ABCG2: variants seen among roughly 807,000 people sequenced by gnomAD.
ABCG2 encodes broad substrate specificity ATP-binding cassette transporter ABCG2.
ABCG2 carries 80 observed loss-of-function variants against 73.5 expected under a neutral mutation model. That is an observed-to-expected ratio of 1.09 (90% confidence interval 0.91 to 1.31). ABCG2 has a LOEUF of 1.31. ABCG2 is among the 50% of genes most tolerant of loss of function. ABCG2 has a pLI of 0.00. For synonymous variants in ABCG2, 269 were observed against 282.4 expected (o/e 0.95, Z 0.48); for missense variants, 796 against 786.2 (o/e 1.01, Z -0.15).
At chr4:88,156,111 A>G (rs1726919079) in intron 1 of ABCG2, among the ~76,000 whole-genome samples, 1 of 151,960 alleles carries the variant, frequency 6.6e-6, no homozygotes, top group Non-Finnish European at 1.5e-5. Context: ...ATGATAGCTC[A>G]CACCTGTAAT....
chr4:88,151,249 G>A (rs905470762), intron 1 of ABCG2, among the ~76,000 whole-genome samples: 2 of 152,260 alleles, frequency 1.3e-5, no homozygotes, highest in Admixed American at 1.3e-4. Context: ...TGGGTCATTA[G>A]AACATTTTGG....
At chr4:88,208,970 C>A (rs1345103924) in intron 1 of ABCG2, among the ~76,000 whole-genome samples, 1 of 152,106 alleles carries the variant, frequency 6.6e-6, no homozygotes, top group Non-Finnish European at 1.5e-5. Context: ...CCACTGCACT[C>A]CAGCCTGGGT....
rs191692095 is a variant in ABCG2 at position 88,138,043 on chromosome 4, G to T, written c.203+1750C>A. ...CATTGTGGCATCTAGCTACTCCAGAGGCTGAGGCGGGAGAATCACTTGAGC... is the reference window on the plus strand; with the variant it reads ...CATTGTGGCATCTAGCTACTCCAGATGCTGAGGCGGGAGAATCACTTGAGC... On this transcript the variant is annotated intron_variant, in intron 2 of 15. Transcript: ENST00000237612. 2.1e-3 allele frequency among the ~76,000 whole-genome samples: 315 copies of T among 152,244 alleles called. 2 individuals are homozygous for T. Among genetic ancestry groups the T allele is most frequent in the African/African-American group, 7.2e-3 (300 of 41,524 alleles).
In ABCG2 at chr4:88,158,420, C is replaced by T. The variant is rs932884593; in HGVS notation, c.-54G>A. 2 of 439,690 alleles carry T rather than the reference C, an allele frequency of 4.5e-6. No individual in the cohort carries two copies. Among genetic ancestry groups the T allele is most frequent in the Non-Finnish European group, 4.6e-6 (1 of 218,794 alleles). The allele number at this position is 439,690 out of a possible 1,614,324, so 27.2% of individuals were successfully genotyped here. A position where few individuals can be genotyped will look rare whatever the true frequency, so the allele number is the denominator to read the frequency against. On this transcript the variant is annotated 5_prime_UTR_variant, in exon 1 of 16. Coordinates refer to ENST00000237612, the MANE Select transcript of ABCG2 (RefSeq NM_004827.3). ...TAGAGCTCGGTCTTAACCAAAGGCT[C>T]AGGATCTCAGGATGCGTGCGCTCGG...
intron 5 of ABCG2, among the ~76,000 whole-genome samples, chr4:88,129,393 G>A (rs1307939903): frequency 6.6e-6 from 1 of 151,996 alleles, no homozygotes; most frequent in Admixed American, 6.6e-5. Flanking sequence ...TAAATGTATT[G>A]CTTCAATTAT....
intron 1 of ABCG2, among the ~76,000 whole-genome samples, chr4:88,176,045 T>C (rs1464095346): frequency 6.6e-6 from 1 of 152,230 alleles, no homozygotes; most frequent in Non-Finnish European, 1.5e-5. Flanking sequence ...CAGAGTTCTC[T>C]ACAGAAAAAT....
At chr4:88,117,509 C>T (rs558121255) in intron 7 of ABCG2, among the ~76,000 whole-genome samples, 3 of 151,900 alleles carry the variant, frequency 2.0e-5, no homozygotes, top group South Asian at 2.1e-4. Flanking sequence ...TGGTTGTGGG[C>T]GCCTGCAGTC....
chr4:88,099,174 G>A lies in ABCG2; in HGVS notation c.1492+150C>T, dbSNP rs912982853. On this transcript the variant is annotated intron_variant, in intron 12 of 15. Coordinates refer to ENST00000237612, the MANE Select transcript of ABCG2 (RefSeq NM_004827.3). ...CAAAAATAGCTGACAGTGAACAACT[G>A]TTTCAGAGAGTGCAAAATGGACAGG... is the stretch of plus-strand genomic sequence containing the variant. 6 of 697,880 alleles carry A rather than the reference G, an allele frequency of 8.6e-6. No individual in the cohort carries two copies. In the African/African-American group the frequency reaches 1.1e-4, roughly 13 times the overall value. The allele number at this position is 697,880 out of a possible 1,614,324, so 43.2% of individuals were successfully genotyped here.
At chr4:88,229,981 T>TATTATC (rs1730388564) in intron 1 of ABCG2, among the ~76,000 whole-genome samples, 2 of 146,242 alleles carry the variant, frequency 1.4e-5, no homozygotes, top group Non-Finnish European at 3.0e-5. Flanking sequence ...TGGCATGCAT[T>TATTATC]ATTATTATTA....
chr4:88,216,851 G>A (rs953833660), intron 1 of ABCG2, among the ~76,000 whole-genome samples: 5 of 151,914 alleles, frequency 3.3e-5, no homozygotes, highest in African/African-American at 9.7e-5. Context: ...CCAAAATGGC[G>A]AAACCCCCCT....
intron 1 of ABCG2, among the ~76,000 whole-genome samples, chr4:88,165,170 G>T (rs1727466700): frequency 6.6e-6 from 1 of 152,180 alleles, no homozygotes. Flanking sequence ...CTGAGGGTAT[G>T]GGTGTGAATG....
Position 88,167,224 on chromosome 4 carries a change from A to G in ABCG2, c.-19-27210T>C, listed in dbSNP as rs369999575. ...CAGAATCCATTTCTTTTTGGTTCCAAGACTGAGTTTCCTGTGTCCTTGCTG... is the reference window on the plus strand; with the variant it reads ...CAGAATCCATTTCTTTTTGGTTCCAGGACTGAGTTTCCTGTGTCCTTGCTG... On this transcript the variant is annotated intron_variant, in intron 1 of 15. Coordinates refer to the ABCG2 transcript ENST00000515655. Among the ~76,000 whole-genome samples, 228 of 152,028 alleles carry G rather than the reference A, an allele frequency of 1.5e-3. 7 individuals carry two copies. The South Asian group carries it at 0.02, about 13-fold the overall frequency.
At chr4:88,164,554 G>T (rs1314385633) in intron 1 of ABCG2, among the ~76,000 whole-genome samples, 15 of 152,158 alleles carry the variant, frequency 9.9e-5, no homozygotes. Context: ...TGTGAAGAAG[G>T]ATGTGTTTGC....
At chr4:88,108,788 A>G (rs184098195) in intron 9 of ABCG2, among the ~76,000 whole-genome samples, 9 of 152,264 alleles carry the variant, frequency 5.9e-5, no homozygotes, top group African/African-American at 1.9e-4. Flanking sequence ...CATTATTCCA[A>G]TGTTTCTACT....
chr4:88,175,927 T>C (rs1328054075), intron 1 of ABCG2, among the ~76,000 whole-genome samples: 1 of 152,226 alleles, frequency 6.6e-6, no homozygotes, highest in South Asian at 2.1e-4. Context: ...AGGTTATGAA[T>C]GGATAATGGT....
chr4:88,097,582 G>C lies in ABCG2; in HGVS notation c.1518C>G (p.Phe506Leu). Residue 506 changes from phenylalanine (F) to leucine (L), a missense_variant, in exon 13 of 16, where the codon TTC (phenylalanine) becomes TTG (leucine). By Grantham distance (22) the Phe-to-Leu change is conservative (BLOSUM62 0). Coordinates refer to ENST00000237612, the MANE Select transcript of ABCG2 (RefSeq NM_004827.3). ...TCATAAGGGTAAACATCATAACGAA[G>C]AAGGCATCTGCCTTTGGCTTCAATC... ...MLGLKPKADA[F>L]FVMMFTLMMV... 6.2e-7 allele frequency: 1 copy of C among 1,614,072 alleles called. No homozygotes were observed. Among genetic ancestry groups the C allele is most frequent in the African/African-American group, 1.3e-5 (1 of 75,052 alleles).
intron 1 of ABCG2, among the ~76,000 whole-genome samples, chr4:88,147,105 G>A (rs2725247): frequency 0.41 from 62,578 of 150,990 alleles, 13,851 homozygotes; most frequent in East Asian, 0.67. Flanking sequence ...AGAGAGAAAA[G>A]GAAGGAAAGA....
At chr4:88,228,948 G>A (rs1376770486) in intron 1 of ABCG2, among the ~76,000 whole-genome samples, 10 of 151,996 alleles carry the variant, frequency 6.6e-5, no homozygotes, top group Admixed American at 6.6e-4. Flanking sequence ...TCAGCATTCT[G>A]TAAAAATGGA....
chr4:88,132,184 C>G (rs929493651), intron 3 of ABCG2, among the ~76,000 whole-genome samples: 1 of 152,184 alleles, frequency 6.6e-6, no homozygotes, highest in African/African-American at 2.4e-5. Flanking sequence ...AAGTACAGAT[C>G]TCCCAAATGG....
Sources: allele counts gnomAD v4.1 joint callset (sites outside exome capture counted in the v4.1 genomes callset), GRCh38; gene constraint gnomAD v4.1.1; transcripts MANE v1.5; gene names NCBI Gene and HGNC (gene_info 2026-07-23, HGNC 2026-07-21).